Variants in MAT2B observed in about 807,000 individuals in gnomAD.
MAT2B encodes the protein methionine adenosyltransferase 2 subunit beta.
A neutral mutation model predicts 36.1 loss-of-function variants in MAT2B; 16 were observed. The observed-to-expected ratio is 0.44, with a 90% CI of 0.30 to 0.67. The LOEUF is 0.67. MAT2B is among the 30% of genes least tolerant of loss of function. The pLI is 0.09. For missense variants in MAT2B, 332 were observed against 398.2 expected (o/e 0.83, Z 1.42); for synonymous variants, 148 against 136.9 (o/e 1.08, Z -0.57).
At chr5:163,505,879 C>A in intron 1 of MAT2B, 130 bp downstream of exon 1, 2 of 623,086 alleles carry the variant, frequency 3.2e-6, no homozygotes, top group Non-Finnish European at 4.7e-6. Context: ...GGTCTCACCG[C>A]CACCCTCCCA....
Position 163,505,667 on chromosome 5 carries a change from G to C in MAT2B, c.-20G>C. ...GGAGGAGGTGGCGGCCGCTGAGGCT[G>C]CGGCGTGAAGACGGCGGGCATGGTG... On this transcript the variant is annotated 5_prime_UTR_variant, in exon 1 of 7. Transcript: ENST00000321757. 1 of 1,277,138 alleles carries C rather than the reference G, an allele frequency of 7.8e-7. No individual in the cohort carries two copies. The highest frequency in any genetic ancestry group is 1.0e-6 in the Non-Finnish European group (1 of 1,004,464). The allele number at this position is 1,277,138 out of a possible 1,614,324, so 79.1% of individuals were successfully genotyped here. A position where few individuals can be genotyped will look rare whatever the true frequency, so the allele number is the denominator to read the frequency against.
upstream of MAT2B, chr5:163,505,599 G>C (rs1375610847): frequency 8.0e-7 from 1 of 1,248,256 alleles, no homozygotes; most frequent in South Asian, 4.1e-5. Context: ...TAGGGGAGGC[G>C]GGCCGAGGGC....
chr5:163,518,460 A>G lies in MAT2B; in HGVS notation c.*97A>G, dbSNP rs1760169261. ...GAAATAGTTTTGTATGAGTACTTTA[A>G]TTGTGACTCTTAGGATCTTTCAGGT... On this transcript the variant is annotated 3_prime_UTR_variant, in exon 7 of 7. Coordinates refer to ENST00000321757, the MANE Select transcript of MAT2B (RefSeq NM_013283.5). The G allele has an allele frequency of 1.0e-6, 1 of 983,934 alleles. No individual in the cohort carries two copies. 61.0% of individuals were successfully genotyped at this position (983,934 alleles called of 1,614,324 possible). A position where few individuals can be genotyped will look rare whatever the true frequency, so the allele number is the denominator to read the frequency against.
At chr5:163,511,215 C>G (rs903736331) in intron 1 of MAT2B, among the ~76,000 whole-genome samples, 2 of 152,040 alleles carry the variant, frequency 1.3e-5, no homozygotes, top group African/African-American at 4.8e-5. Flanking sequence ...TAATTCCTTG[C>G]ATATCATCTT....
At chr5:163,516,096 A>G (rs1760129410) in intron 4 of MAT2B, among the ~76,000 whole-genome samples, 1 of 152,094 alleles carries the variant, frequency 6.6e-6, no homozygotes, top group Non-Finnish European at 1.5e-5. Context: ...AGGCTGGAGT[A>G]CAGTGGTGCA....
chr5:163,517,742 C>T (rs1760155611), intron 6 of MAT2B, 68 bp downstream of exon 6: 4 of 963,954 alleles, frequency 4.1e-6, no homozygotes, highest in Non-Finnish European at 5.0e-6. Flanking sequence ...TGTTGGGTAA[C>T]TTCATTTCTC....
intron 1 of MAT2B, 138 bp from the exon 2 acceptor site, chr5:163,511,864 T>G: frequency 1.5e-6 from 1 of 669,684 alleles, no homozygotes; most frequent in Non-Finnish European, 2.5e-6. Flanking sequence ...AACTTAACTT[T>G]AGAATTGGCT....
At chr5:163,506,441 C>G (rs544712878) in intron 1 of MAT2B, among the ~76,000 whole-genome samples, 95 of 152,144 alleles carry the variant, frequency 6.2e-4, no homozygotes, top group African/African-American at 2.1e-3. Flanking sequence ...TCTGGTGCCC[C>G]CCTCGCCCCC....
rs1460459893 is a variant in MAT2B, at chr5:163,514,002, C to T, written c.526+8C>T. The T allele has an allele frequency of 6.2e-7, 1 of 1,606,624 alleles. No homozygotes were observed. The highest frequency in any genetic ancestry group is 8.5e-7 in the Non-Finnish European group (1 of 1,177,408). Reference sequence around the variant, plus strand: ...TCCTGGAGAACAATCTAGGTAAGACCTAATCTATTTAGCCCCTGATTGTTT... The same window carrying T: ...TCCTGGAGAACAATCTAGGTAAGACTTAATCTATTTAGCCCCTGATTGTTT... On this transcript the variant is annotated splice_region_variant and intron_variant, in intron 4 of 6. Transcript: ENST00000321757.
intron 4 of MAT2B, among the ~76,000 whole-genome samples, chr5:163,515,811 G>T (rs1328537220): frequency 2.0e-5 from 2 of 100,834 alleles, no homozygotes; most frequent in African/African-American, 8.4e-5. Context: ...CAGGGTCTCA[G>T]TCGCCTGGGC....
intron 1 of MAT2B, among the ~76,000 whole-genome samples, chr5:163,510,677 A>C (rs1358728305): frequency 6.6e-6 from 1 of 152,152 alleles, no homozygotes; most frequent in Admixed American, 6.5e-5. Context: ...GATTACAGGC[A>C]TGAACCACTG....
intron 5 of MAT2B, chr5:163,516,969 A>G (rs548157298): frequency 3.5e-6 from 2 of 574,192 alleles, no homozygotes; most frequent in South Asian, 2.3e-5. Flanking sequence ...GGAAACTTCA[A>G]AATAATCATC....
At chr5:163,506,713 C>T (rs1428397552) in intron 1 of MAT2B, among the ~76,000 whole-genome samples, 1 of 152,200 alleles carries the variant, frequency 6.6e-6, no homozygotes, top group Non-Finnish European at 1.5e-5. Flanking sequence ...GTCCTCCAGA[C>T]CGTGCTGAGT....
At chr5:163,511,193 T>C (rs1489047463) in intron 1 of MAT2B, among the ~76,000 whole-genome samples, 1 of 152,212 alleles carries the variant, frequency 6.6e-6, no homozygotes, top group Admixed American at 6.5e-5. Context: ...ACATAGGAAA[T>C]ATAAATCTAC....
chr5:163,509,181 CAG>C (rs1759996180), intron 1 of MAT2B, among the ~76,000 whole-genome samples: 1 of 149,724 alleles, frequency 6.7e-6, no homozygotes, highest in Non-Finnish European at 1.5e-5. Flanking sequence ...ATTCATTTAA[CAG>C]ATGTTAAAAT....
intron 2 of MAT2B, 175 bp downstream of exon 2, chr5:163,512,371 A>G: frequency 3.3e-6 from 2 of 613,462 alleles, no homozygotes; most frequent in Non-Finnish European, 5.7e-6. Context: ...TTAAAGTTAA[A>G]TTTTGACACG....
upstream of MAT2B, chr5:163,505,582 C>T (rs372227393): frequency 7.3e-5 from 91 of 1,247,298 alleles, 2 homozygotes; most frequent in South Asian, 3.3e-3. Flanking sequence ...CGGGGTCGTT[C>T]TGGGCCTAGG....
chr5:163,506,676 T>C (rs1038759091), intron 1 of MAT2B, among the ~76,000 whole-genome samples: 1 of 152,234 alleles, frequency 6.6e-6, no homozygotes, highest in East Asian at 1.9e-4. Context: ...TTAGGATAAA[T>C]GGTCTATTAA....
intron 4 of MAT2B, among the ~76,000 whole-genome samples, chr5:163,515,781 T>TTTTC (rs1760123122): frequency 7.5e-6 from 1 of 133,400 alleles, no homozygotes; most frequent in African/African-American, 2.8e-5. Context: ...TTTTTTTTTT[T>TTTTC]TTTTTTTTTT....
Sources: allele counts gnomAD v4.1 joint callset (sites outside exome capture counted in the v4.1 genomes callset), GRCh38; gene constraint gnomAD v4.1.1; transcripts MANE v1.5; gene names NCBI Gene and HGNC (gene_info 2026-07-23, HGNC 2026-07-21).